ZNRF2: variants seen among roughly 807,000 people sequenced by gnomAD.
ZNRF2 encodes the protein zinc and ring finger 2, also known as E3 ubiquitin-protein ligase ZNRF2.
A neutral mutation model predicts 20.4 loss-of-function variants in ZNRF2; 16 were observed. The ratio of observed to expected loss-of-function variants is 0.79; its 90% CI spans 0.53 to 1.19. The LOEUF (loss-of-function observed/expected upper bound fraction) is 1.19. Ranked by LOEUF, ZNRF2 falls within the 50% of genes most tolerant of loss-of-function variation. The pLI is 0.00. For missense variants in ZNRF2, 363 were observed against 332.4 expected (o/e 1.09, Z -0.72); for synonymous variants, 178 against 144.9 (o/e 1.23, Z -1.64).
intron 2 of ZNRF2, among the ~76,000 whole-genome samples, chr7:30,347,831 A>G (rs571371229): frequency 2.0e-5 from 3 of 152,338 alleles, no homozygotes; most frequent in South Asian, 2.1e-4. Context: ...GGATCCAGCA[A>G]TTAGTCACAG....
intron 1 of ZNRF2, among the ~76,000 whole-genome samples, chr7:30,307,334 T>G (rs55837777): frequency 0.084 from 10,703 of 127,698 alleles, 286 homozygotes; most frequent in Non-Finnish European, 0.11. Context: ...TTGTTTTTTT[T>G]TTTTTTTTTT....
At chr7:30,289,779 A>G (rs1798864125) in intron 1 of ZNRF2, 1 of 534,508 alleles carries the variant, frequency 1.9e-6, no homozygotes, top group Non-Finnish European at 3.8e-6. Flanking sequence ...AGCGTGACCT[A>G]AGAACCTGGT....
At chr7:30,289,559 A>G (rs1798858746) in intron 1 of ZNRF2, among the ~76,000 whole-genome samples, 1 of 152,176 alleles carries the variant, frequency 6.6e-6, no homozygotes, top group South Asian at 2.1e-4. Flanking sequence ...GAGCCTTCTA[A>G]CCACAACCCC....
chr7:30,323,719 C>G lies in ZNRF2; in HGVS notation c.547C>G (p.Pro183Ala). ...GCATCTTGTAATGTGTTTAACAAAGCCACGAATAACCTATAATGGTAAGTC... is the reference window on the plus strand; with the variant it reads ...GCATCTTGTAATGTGTTTAACAAAGGCACGAATAACCTATAATGGTAAGTC... The part of the protein sequence containing the change: ...DLHLVMCLTK[P>A]RITYNEDVLS... Residue 183 changes from proline (P) to alanine (A), a missense_variant, in exon 2 of 5, where the codon CCA becomes GCA. Pro to Ala is a conservative substitution (Grantham distance 27). Transcript: ENST00000323037. The G allele has an allele frequency of 6.3e-7, 1 of 1,587,498 alleles. No homozygotes were observed. The highest frequency in any genetic ancestry group is 8.6e-7 in the Non-Finnish European group (1 of 1,167,820).
At chr7:30,332,396 G>T (rs1379255623) in intron 2 of ZNRF2, among the ~76,000 whole-genome samples, 2 of 152,096 alleles carry the variant, frequency 1.3e-5, no homozygotes, top group Non-Finnish European at 2.9e-5. Flanking sequence ...TTGAGGAGGT[G>T]GGGTACATGT....
At chr7:30,349,538 T>C (rs1332348841) in intron 2 of ZNRF2, among the ~76,000 whole-genome samples, 1 of 151,902 alleles carries the variant, frequency 6.6e-6, no homozygotes, top group Non-Finnish European at 1.5e-5. Flanking sequence ...CCTGTTATAT[T>C]CCATAATAAA....
intron 4 of ZNRF2, among the ~76,000 whole-genome samples, chr7:30,362,840 G>C (rs1441555359): frequency 6.6e-6 from 1 of 152,118 alleles, no homozygotes; most frequent in East Asian, 1.9e-4. Context: ...ACTTGAGGCT[G>C]GGCATGGTGG....
chr7:30,338,676 T>C (rs1027116622), intron 2 of ZNRF2, among the ~76,000 whole-genome samples: 8 of 152,188 alleles, frequency 5.3e-5, no homozygotes, highest in African/African-American at 1.9e-4. Context: ...CAGTCTTTCA[T>C]TGATGGCATT....
At chr7:30,330,529 T>C (rs1035899278) in intron 2 of ZNRF2, among the ~76,000 whole-genome samples, 5 of 152,136 alleles carry the variant, frequency 3.3e-5, no homozygotes, top group Non-Finnish European at 7.4e-5. Context: ...CCAGTTTGCA[T>C]ATACAGCCTG....
At chr7:30,332,662 A>G (rs557189707) in intron 2 of ZNRF2, among the ~76,000 whole-genome samples, 1 of 152,292 alleles carries the variant, frequency 6.6e-6, no homozygotes, top group South Asian at 2.1e-4. Flanking sequence ...TACTTAGTAT[A>G]ATGGCCTCTA....
Position 30,285,025 on chromosome 7 carries a change from C to A in ZNRF2, c.-333C>A. On this transcript the variant is annotated 5_prime_UTR_variant, in exon 1 of 5. Coordinates refer to ENST00000323037, the MANE Select transcript of ZNRF2 (RefSeq NM_147128.4). Reference sequence around the variant, plus strand: ...AGAGAGCGGTAGCGGCCCGTCGTGGCGCACCAGAACCGAAACCAGCGGCAG... The same window carrying A: ...AGAGAGCGGTAGCGGCCCGTCGTGGAGCACCAGAACCGAAACCAGCGGCAG... 2.5e-6 allele frequency: 1 copy of A among 400,276 alleles called. No homozygotes were observed. Among genetic ancestry groups the A allele is most frequent in the Non-Finnish European group, 4.9e-6 (1 of 203,010 alleles). The allele number at this position is 400,276 out of a possible 1,614,324, so 24.8% of individuals were successfully genotyped here.
In ZNRF2 at chr7:30,285,156, G is replaced by A. The variant is rs1583558373; in HGVS notation, c.-202G>A. Reference sequence around the variant, plus strand: ...TCCTCGTCTCCCGCGCCCGCGTCAGGCCGTCGGCCTCGCCCGCCGCCCCAA... The same window carrying A: ...TCCTCGTCTCCCGCGCCCGCGTCAGACCGTCGGCCTCGCCCGCCGCCCCAA... On this transcript the variant is annotated 5_prime_UTR_variant, in exon 1 of 5. Transcript: ENST00000323037. 4.8e-6 allele frequency: 2 copies of A among 417,444 alleles called. No homozygotes were observed. The highest frequency in any genetic ancestry group is 9.2e-6 in the Non-Finnish European group (2 of 218,128). 25.9% of individuals were successfully genotyped at this position (417,444 alleles called of 1,614,324 possible).
chr7:30,306,178 T>C (rs1239781914), intron 1 of ZNRF2, among the ~76,000 whole-genome samples: 1 of 152,220 alleles, frequency 6.6e-6, no homozygotes, highest in Non-Finnish European at 1.5e-5. Flanking sequence ...ACTCTTACTA[T>C]CAAAATAATA....
At chr7:30,318,325 A>G (rs369769777) in intron 1 of ZNRF2, among the ~76,000 whole-genome samples, 12 of 152,100 alleles carry the variant, frequency 7.9e-5, no homozygotes, top group African/African-American at 2.7e-4. Context: ...GATTGAGAGG[A>G]TCAGTTCTTC....
At chr7:30,291,706 ATACTT>A (rs1476458269) in intron 1 of ZNRF2, among the ~76,000 whole-genome samples, 2 of 152,228 alleles carry the variant, frequency 1.3e-5, no homozygotes, top group Admixed American at 1.3e-4. Flanking sequence ...GGATAGAAGT[ATACTT>A]TAAGTGGTTG....
At chr7:30,365,214 C>G (rs915990957) in intron 4 of ZNRF2, among the ~76,000 whole-genome samples, 1 of 80,422 alleles carries the variant, frequency 1.2e-5, no homozygotes, top group Non-Finnish European at 2.4e-5. Flanking sequence ...TTTCTTTCAT[C>G]AGCTAAATTT....
At chr7:30,328,969 CT>C (rs1799593832) in intron 2 of ZNRF2, among the ~76,000 whole-genome samples, 1 of 152,074 alleles carries the variant, frequency 6.6e-6, no homozygotes, top group Non-Finnish European at 1.5e-5. Context: ...GTTTCATATA[CT>C]TTTCCCTCTT....
intron 1 of ZNRF2, among the ~76,000 whole-genome samples, chr7:30,292,924 A>C (rs1798937536): frequency 6.6e-6 from 1 of 152,136 alleles, no homozygotes; most frequent in Non-Finnish European, 1.5e-5. Flanking sequence ...TTTTGTGCAG[A>C]GGATTGACAT....
chr7:30,342,669 G>T (rs1031045753), intron 2 of ZNRF2, among the ~76,000 whole-genome samples: 5 of 151,888 alleles, frequency 3.3e-5, no homozygotes, highest in Non-Finnish European at 2.9e-5. Context: ...GCTTTCCTTA[G>T]GTATGCGTTT....
Sources: allele counts gnomAD v4.1 joint callset (sites outside exome capture counted in the v4.1 genomes callset), GRCh38; gene constraint gnomAD v4.1.1; transcripts MANE v1.5; gene names NCBI Gene and HGNC (gene_info 2026-07-23, HGNC 2026-07-21).